The following HLTF variants were observed in gnomAD, a reference collection of about 807,000 sequenced individuals.
The protein encoded by HLTF is DNA-dependent ATPase/E3 ubiquitin-protein ligase HLTF.
In HLTF, 127 loss-of-function variants were observed where a neutral mutation model predicts 129.4. The ratio of observed to expected loss-of-function variants is 0.98; its 90% confidence interval spans 0.85 to 1.14. The LOEUF (loss-of-function observed/expected upper bound fraction) is 1.14, where lower values mean the gene tolerates loss of function less well. HLTF is among the 50% of genes most tolerant of loss of function. HLTF has a pLI of 0.00. For synonymous variants in HLTF, 332 were observed against 388.8 expected, an observed-to-expected ratio of 0.85 and a Z score of 1.72; for missense variants, 1,139 against 1,187.1, an observed-to-expected ratio of 0.96 and a Z score of 0.60.
intron 4 of HLTF, 133 bp downstream of exon 4, chr3:149,074,082 A>G: frequency 4.0e-6 from 3 of 742,272 alleles, no homozygotes; most frequent in South Asian, 2.7e-5. Flanking sequence ...TTCCTCAAAA[A>G]GACTCCTGAA....
In HLTF at chr3:149,041,657, G is replaced by A; in HGVS notation, c.2209C>T (p.Pro737Ser). The A allele has an allele frequency of 1.2e-6, 2 of 1,608,196 alleles. No homozygotes were observed. Among genetic ancestry groups the A allele is most frequent in the Non-Finnish European group, 1.7e-6 (2 of 1,175,746 alleles). Residue 737 changes from proline (P) to serine (S), a missense_variant, in exon 20 of 25, where the codon CCT becomes TCT. Pro to Ser is a moderately conservative substitution (Grantham distance 74). Coordinates refer to ENST00000310053, the MANE Select transcript of HLTF (RefSeq NM_003071.4). ...SSNGPSGNDT[P>S]EELRKKLIRK... ...ATTAACTTCTTTCTCAGTTCTTCAG[G>A]TGTATCATTTCCTAGAGAAAAGGCT...
At chr3:149,061,663 C>T (rs553106370) in intron 10 of HLTF, among the ~76,000 whole-genome samples, 6 of 151,246 alleles carry the variant, frequency 4.0e-5, no homozygotes, top group South Asian at 4.2e-4. Flanking sequence ...TGGTGAAACC[C>T]CGTTTCTACT....
At chr3:149,080,890 C>A (rs1320329616) in intron 2 of HLTF, among the ~76,000 whole-genome samples, 1 of 152,114 alleles carries the variant, frequency 6.6e-6, no homozygotes, top group African/African-American at 2.4e-5. Context: ...TATAGTCATA[C>A]CCCGCATAAC....
chr3:149,034,834 T>A, intron 24 of HLTF, 84 bp downstream of exon 24: 1 of 880,484 alleles, frequency 1.1e-6, no homozygotes, highest in Non-Finnish European at 1.9e-6. Flanking sequence ...TTACACTCAA[T>A]CATAATAATA....
intron 22 of HLTF, among the ~76,000 whole-genome samples, 167 bp from the exon 23 acceptor site, chr3:149,039,396 T>G (rs768570504): frequency 1.8e-4 from 28 of 152,222 alleles, no homozygotes; most frequent in Admixed American, 7.2e-4. Context: ...CATTTTCTGA[T>G]AAATTCAGGA....
chr3:149,043,307 G>T (rs1440813210), intron 18 of HLTF, among the ~76,000 whole-genome samples: 1 of 151,548 alleles, frequency 6.6e-6, no homozygotes, highest in Non-Finnish European at 1.5e-5. Context: ...TAGGAAACAG[G>T]ACTGAGAAAA....
At chr3:149,059,829 T>C in intron 12 of HLTF, 22 bp from the exon 13 acceptor site, 1 of 1,517,738 alleles carries the variant, frequency 6.6e-7, no homozygotes, top group Non-Finnish European at 9.0e-7. Flanking sequence ...ACAAAGAATC[T>C]TAAATTTTTT....
chr3:149,083,400 T>A (rs1489988380), intron 2 of HLTF, among the ~76,000 whole-genome samples: 1 of 152,278 alleles, frequency 6.6e-6, no homozygotes, highest in South Asian at 2.1e-4. Flanking sequence ...CAACACACAC[T>A]AGAGTTTACC....
chr3:149,059,658 A>G (rs973524372), intron 13 of HLTF, 60 bp downstream of exon 13: 53 of 1,016,944 alleles, frequency 5.2e-5, no homozygotes, highest in Non-Finnish European at 7.3e-5. Context: ...AAAATTTTAA[A>G]TTTTTTCATT....
chr3:149,073,412 G>A (rs1024359095), intron 4 of HLTF, 90 bp from the exon 5 acceptor site: 31 of 893,068 alleles, frequency 3.5e-5, no homozygotes, highest in Non-Finnish European at 4.9e-5. Flanking sequence ...GCATTAACAG[G>A]GCTGGGTGCT....
chr3:149,068,117 CAG>C (rs1296444344), intron 8 of HLTF, 121 bp downstream of exon 8: 6 of 568,700 alleles, frequency 1.1e-5, no homozygotes, highest in Admixed American at 2.8e-5. Context: ...ACATAAAAGA[CAG>C]AGAGACCATT....
At chr3:149,086,076 G>A (rs1277756154) in intron 1 of HLTF, among the ~76,000 whole-genome samples, 1 of 152,000 alleles carries the variant, frequency 6.6e-6, no homozygotes, top group African/African-American at 2.4e-5. Context: ...TAAGCCCCAG[G>A]CCCCCCACAG....
chr3:149,078,856 C>CAA (rs35279410), intron 2 of HLTF, among the ~76,000 whole-genome samples: 3 of 129,956 alleles, frequency 2.3e-5, no homozygotes, highest in Non-Finnish European at 3.4e-5. Context: ...GACTCCGTCT[C>CAA]AAAAAAAAAA....
At position 149,030,503 on chromosome 3, in the gene HLTF, T is replaced by C. The variant is rs1304857340; in HGVS notation, c.*1717A>G. 1 of 152,178 alleles carries C rather than the reference T, an allele frequency of 6.6e-6. No individual in the cohort carries two copies. Among genetic ancestry groups the C allele is most frequent in the Non-Finnish European group, 1.5e-5 (1 of 68,024 alleles). The allele number at this position is 152,178 out of a possible 1,614,324, so 9.4% of individuals were successfully genotyped here. A position where few individuals can be genotyped will look rare whatever the true frequency, so the allele number is the denominator to read the frequency against. Reference sequence around the variant, plus strand: ...CCTCCCTTTACCTTCATAGTGAGTTTGTAAGGCTTTGTCTTTGTAAGCAGA... The same window carrying C: ...CCTCCCTTTACCTTCATAGTGAGTTCGTAAGGCTTTGTCTTTGTAAGCAGA... On this transcript the variant is annotated 3_prime_UTR_variant, in exon 25 of 25. Coordinates refer to ENST00000310053, the MANE Select transcript of HLTF (RefSeq NM_003071.4).
rs954976576 is a variant in HLTF, at chr3:149,041,869, T to C, written c.2198-201A>G. Reference sequence around the variant, plus strand: ...TAGCCAACTCACATAATATACCTCATAGAGAAGCATCATTATAACATGACA... The same window carrying C: ...TAGCCAACTCACATAATATACCTCACAGAGAAGCATCATTATAACATGACA... On this transcript the variant is annotated intron_variant, in intron 19 of 24. Transcript: ENST00000310053. 6.9e-6 allele frequency: 4 copies of C among 581,964 alleles called. No homozygotes were observed. The Admixed American group carries it at 9.3e-5, about 13-fold the overall frequency. 36.1% of individuals were successfully genotyped at this position (581,964 alleles called of 1,614,324 possible).
chr3:149,068,216 A>T, intron 8 of HLTF, 24 bp downstream of exon 8: 3 of 974,762 alleles, frequency 3.1e-6, no homozygotes, highest in Non-Finnish European at 4.7e-6. Context: ...GGTTTCACAT[A>T]AAGCGCACTT....
rs773218214 is a variant in HLTF, at chr3:149,040,168, AGAAC to A, written c.2377-16_2377-13del. The stretch of plus-strand genomic sequence containing the variant: ...CATTTAGCATGTGGCTATATAAGAA[AGAAC>A]GAAGTATGAGCAACACTTAACAGAA... On this transcript the variant is annotated splice_polypyrimidine_tract_variant and intron_variant, in intron 20 of 24. Coordinates refer to ENST00000310053, the MANE Select transcript of HLTF (RefSeq NM_003071.4). 4.7e-5 allele frequency: 76 copies of A among 1,601,038 alleles called. No homozygotes were observed. The highest frequency in any genetic ancestry group is 6.4e-5 in the Non-Finnish European group (75 of 1,176,448).
In HLTF at chr3:149,076,061, T is replaced by C. The variant is rs1420773945; in HGVS notation, c.229-14A>G. The C allele has an allele frequency of 2.0e-6, 2 of 981,372 alleles. No homozygotes were observed. The highest frequency in any genetic ancestry group is 1.6e-5 in the African/African-American group (1 of 60,664). The allele number at this position is 981,372 out of a possible 1,614,324, so 60.8% of individuals were successfully genotyped here. ...ATTATTATTAACCTAATAAAAATGA[T>C]AAACAGATAATATTACATTATAAAT... On this transcript the variant is annotated splice_polypyrimidine_tract_variant and intron_variant, in intron 2 of 24. Coordinates refer to ENST00000310053, the MANE Select transcript of HLTF (RefSeq NM_003071.4).
At chr3:149,056,737 TAC>T (rs1395489521) in intron 13 of HLTF, among the ~76,000 whole-genome samples, 1 of 152,250 alleles carries the variant, frequency 6.6e-6, no homozygotes, top group Non-Finnish European at 1.5e-5. Flanking sequence ...TATAACAATA[TAC>T]AGTTGACCCT....
Sources: allele counts gnomAD v4.1 joint callset (sites outside exome capture counted in the v4.1 genomes callset), GRCh38; gene constraint gnomAD v4.1.1; transcripts MANE v1.5; gene names NCBI Gene and HGNC (gene_info 2026-07-23, HGNC 2026-07-21).